The following CCDC149 variants were observed in gnomAD, a reference collection of about 807,000 sequenced individuals.
CCDC149 encodes the protein coiled-coil domain-containing protein 149.
In CCDC149, 45 loss-of-function variants were observed where a neutral mutation model predicts 59.9. The observed-to-expected ratio is 0.75, with a 90% CI of 0.59 to 0.96. The LOEUF (loss-of-function observed/expected upper bound fraction) is 0.96, where lower values mean the gene tolerates loss of function less well. CCDC149 is among the 40% of genes least tolerant of loss of function. The pLI is 0.00. For synonymous variants in CCDC149, 245 were observed against 260.6 expected, an observed-to-expected ratio of 0.94 and a Z score of 0.58; for missense variants, 584 against 664.7, an observed-to-expected ratio of 0.88 and a Z score of 1.33.
At chr4:24,836,544 G>A (rs1018650663) in intron 6 of CCDC149, 36 bp from the exon 7 acceptor site, 1 of 1,411,462 alleles carries the variant, frequency 7.1e-7, no homozygotes, top group Non-Finnish European at 1.0e-6. Flanking sequence ...AGGTGTTTAA[G>A]GGCTAAATAA....
At chr4:24,922,047 G>C (rs552705549) in intron 1 of CCDC149, among the ~76,000 whole-genome samples, 5 of 152,172 alleles carry the variant, frequency 3.3e-5, no homozygotes, top group Non-Finnish European at 7.3e-5. Context: ...TTCGGTCTGT[G>C]TCTCTTCACA....
intron 3 of CCDC149, among the ~76,000 whole-genome samples, chr4:24,859,413 C>T (rs939753032): frequency 2.6e-5 from 4 of 151,946 alleles, no homozygotes; most frequent in Admixed American, 6.6e-5. Context: ...ATGATTAAAA[C>T]CCTCAGCAAA....
chr4:24,928,902 C>T (rs1722506250), intron 1 of CCDC149, among the ~76,000 whole-genome samples: 1 of 152,112 alleles, frequency 6.6e-6, no homozygotes, highest in South Asian at 2.1e-4. Context: ...GCACACTTCC[C>T]CTTTTCAGGT....
intron 1 of CCDC149, among the ~76,000 whole-genome samples, chr4:24,927,054 T>C (rs1166117849): frequency 1.3e-5 from 2 of 152,146 alleles, no homozygotes; most frequent in African/African-American, 2.4e-5. Flanking sequence ...CTACATCCCA[T>C]AGGTTACAAG....
At chr4:24,895,206 T>TGA (rs1720773581) in intron 1 of CCDC149, 1 of 641,018 alleles carries the variant, frequency 1.6e-6, no homozygotes, top group Non-Finnish European at 2.8e-6. Flanking sequence ...AGGGATATCT[T>TGA]GGCTCAGAAG....
chr4:24,977,483 C>A (rs148968514), intron 1 of CCDC149, among the ~76,000 whole-genome samples: 239 of 152,300 alleles, frequency 1.6e-3, no homozygotes, highest in African/African-American at 5.6e-3. Context: ...CAGTTTGAAT[C>A]AAGTCTCTGT....
At chr4:24,859,065 G>A (rs914618744) in intron 3 of CCDC149, among the ~76,000 whole-genome samples, 6 of 152,082 alleles carry the variant, frequency 3.9e-5, no homozygotes, top group African/African-American at 1.2e-4. Context: ...TTTAAAATAC[G>A]GACAGTCCCT....
intron 3 of CCDC149, among the ~76,000 whole-genome samples, chr4:24,855,774 C>A (rs1458436965): frequency 6.6e-6 from 1 of 152,036 alleles, no homozygotes; most frequent in African/African-American, 2.4e-5. Context: ...TCTCCTAAGA[C>A]AAAAATTTAG....
upstream of CCDC149, among the ~76,000 whole-genome samples, chr4:24,916,787 G>GGTGTGTGTGTGTGT (rs55857592): frequency 5.4e-3 from 764 of 142,000 alleles, 5 homozygotes; most frequent in East Asian, 0.039. Flanking sequence ...GGTTTATAAT[G>GGTGTGTGTGTGTGT]GTGTGTGTGT....
At chr4:24,887,244 C>G (rs1333546500) in intron 1 of CCDC149, among the ~76,000 whole-genome samples, 1 of 129,872 alleles carries the variant, frequency 7.7e-6, no homozygotes, top group Non-Finnish European at 1.5e-5. Context: ...CAGATAGCTG[C>G]TGCTGAGAGA....
At chr4:24,977,608 A>T (rs946316309) in intron 1 of CCDC149, among the ~76,000 whole-genome samples, 2 of 150,706 alleles carry the variant, frequency 1.3e-5, no homozygotes, top group Non-Finnish European at 2.9e-5. Flanking sequence ...CAAATGAAAT[A>T]CCTAAGGTGT....
At chr4:24,949,452 T>TGGGGGG (rs1553863959) in intron 1 of CCDC149, among the ~76,000 whole-genome samples, 1 of 72,246 alleles carries the variant, frequency 1.4e-5, no homozygotes, top group Non-Finnish European at 2.8e-5. Context: ...GGGGGGGTGG[T>TGGGGGG]GGGGGGACTC....
rs1714229136 is a variant in CCDC149, at chr4:24,807,020, G to A, written c.*1369C>T. On this transcript the variant is annotated 3_prime_UTR_variant, in exon 13 of 13. Transcript: ENST00000635206. ...TGTCACATCTTAGTGTCATGAGCCT[G>A]GTATAAACATTGAATTTTTAGGATG... 6.6e-6 allele frequency: 1 copy of A among 152,194 alleles called. No individual in the cohort carries two copies. Among genetic ancestry groups the A allele is most frequent in the Admixed American group, 6.5e-5 (1 of 15,282 alleles). 9.4% of individuals were successfully genotyped at this position (152,194 alleles called of 1,614,324 possible).
intron 1 of CCDC149, among the ~76,000 whole-genome samples, chr4:24,941,288 G>A (rs1197470519): frequency 6.6e-6 from 1 of 152,216 alleles, no homozygotes; most frequent in Non-Finnish European, 1.5e-5. Flanking sequence ...ACCTGCTCCT[G>A]AATGACTACT....
intron 1 of CCDC149, among the ~76,000 whole-genome samples, chr4:24,885,530 TG>T (rs953136268): frequency 6.6e-6 from 1 of 152,180 alleles, no homozygotes; most frequent in African/African-American, 2.4e-5. Flanking sequence ...GACTCATGCG[TG>T]GTTTCAGCCT....
chr4:24,869,352 C>G (rs771647701), intron 3 of CCDC149, among the ~76,000 whole-genome samples: 8 of 152,210 alleles, frequency 5.3e-5, no homozygotes, highest in African/African-American at 1.9e-4. Flanking sequence ...GAGATGAGAG[C>G]TGAGGAGAGG....
At chr4:24,973,988 G>A (rs900568926) in intron 1 of CCDC149, among the ~76,000 whole-genome samples, 23 of 152,244 alleles carry the variant, frequency 1.5e-4, no homozygotes, top group Non-Finnish European at 2.9e-5. Context: ...CGGCTGTTTC[G>A]CAAGAGTCAC....
At chr4:24,970,893 T>C (rs1723947961) in intron 1 of CCDC149, among the ~76,000 whole-genome samples, 1 of 152,120 alleles carries the variant, frequency 6.6e-6, no homozygotes, top group Non-Finnish European at 1.5e-5. Flanking sequence ...GTCAAAACTG[T>C]AGAAGCACAA....
chr4:24,978,293 T>C (rs1193478817), intron 1 of CCDC149, among the ~76,000 whole-genome samples: 1 of 152,166 alleles, frequency 6.6e-6, no homozygotes, highest in South Asian at 2.1e-4. Flanking sequence ...TTTTAAATAA[T>C]ATAAATATCC....
Sources: allele counts gnomAD v4.1 joint callset (sites outside exome capture counted in the v4.1 genomes callset), GRCh38; gene constraint gnomAD v4.1.1; transcripts MANE v1.5; gene names NCBI Gene and HGNC (gene_info 2026-07-23, HGNC 2026-07-21).